The following NXPE4 variants were observed in gnomAD, a reference collection of about 807,000 sequenced individuals.
The protein encoded by NXPE4 is NXPE family member 4.
A neutral mutation model predicts 33.3 loss-of-function variants in NXPE4; 42 were observed. That is an observed-to-expected ratio of 1.26 (90% CI 0.98 to 1.63). The LOEUF is 1.63. Ranked by LOEUF, NXPE4 falls within the 40% of genes most tolerant of loss-of-function variation. The probability of loss-of-function intolerance (pLI) is 0.00; values close to 1 mark genes in which losing one functional copy is unlikely to be tolerated. For missense variants in NXPE4, 709 were observed against 647.6 expected (o/e 1.09, Z -1.03); for synonymous variants, 253 against 234.9 (o/e 1.08, Z -0.71).
the NXPE4 span, among the ~76,000 whole-genome samples, chr11:114,635,072 G>T: frequency 6.6e-6 from 1 of 151,742 alleles, no homozygotes; most frequent in Non-Finnish European, 1.5e-5. Flanking sequence ...CCATTTTCAC[G>T]ATATTGATTC....
At chr11:114,661,151 A>G in the NXPE4 span, among the ~76,000 whole-genome samples, 1 of 152,192 alleles carries the variant, frequency 6.6e-6, no homozygotes, top group Non-Finnish European at 1.5e-5. Flanking sequence ...GGGCAGGTTC[A>G]ATATGATTAG....
chr11:114,642,506 G>A, the NXPE4 span, among the ~76,000 whole-genome samples: 1 of 151,656 alleles, frequency 6.6e-6, no homozygotes, highest in Non-Finnish European at 1.5e-5. Context: ...TCCCACTTAT[G>A]AGTGACAACA....
chr11:114,617,365 G>T, the NXPE4 span, among the ~76,000 whole-genome samples: 1 of 152,032 alleles, frequency 6.6e-6, no homozygotes, highest in African/African-American at 2.4e-5. Flanking sequence ...TTACGTCATT[G>T]GTAACCACTG....
chr11:114,591,874 T>C (rs1238998952), intron 2 of NXPE4, among the ~76,000 whole-genome samples: 1 of 152,204 alleles, frequency 6.6e-6, no homozygotes, highest in Non-Finnish European at 1.5e-5. Context: ...GGGTATATTA[T>C]GTCCCTAATT....
chr11:114,580,418 A>T, intron 4 of NXPE4, 80 bp from the exon 5 acceptor site: 3 of 1,165,160 alleles, frequency 2.6e-6, no homozygotes, highest in Non-Finnish European at 3.8e-6. Flanking sequence ...TCTATCCTCT[A>T]AGTATCCTAA....
the NXPE4 span, among the ~76,000 whole-genome samples, chr11:114,672,688 A>G: frequency 6.6e-6 from 1 of 151,942 alleles, no homozygotes; most frequent in Non-Finnish European, 1.5e-5. Flanking sequence ...TAGACTTTAA[A>G]AGCCATAATG....
intron 2 of NXPE4, among the ~76,000 whole-genome samples, chr11:114,585,474 G>A (rs1949270408): frequency 6.6e-6 from 1 of 152,014 alleles, no homozygotes; most frequent in African/African-American, 2.4e-5. Flanking sequence ...GAGAGCAGGA[G>A]TCACTATGCT....
At chr11:114,676,333 A>G in the NXPE4 span, among the ~76,000 whole-genome samples, 1 of 152,006 alleles carries the variant, frequency 6.6e-6, no homozygotes, top group African/African-American at 2.4e-5. Context: ...ACGAAATGGG[A>G]AAAAACATTT....
intron 2 of NXPE4, among the ~76,000 whole-genome samples, 174 bp downstream of exon 2, chr11:114,594,490 A>G (rs931915658): frequency 2.0e-5 from 3 of 152,202 alleles, no homozygotes; most frequent in African/African-American, 4.8e-5. Context: ...ACACACACAC[A>G]GTATTTATCC....
intron 5 of NXPE4, among the ~76,000 whole-genome samples, chr11:114,572,089 A>G (rs549359990): frequency 1.3e-5 from 2 of 152,264 alleles, no homozygotes; most frequent in South Asian, 4.1e-4. Flanking sequence ...TTCTTTGCAG[A>G]CACTCTCCAG....
At chr11:114,586,289 G>A (rs888796491) in intron 2 of NXPE4, among the ~76,000 whole-genome samples, 2 of 152,142 alleles carry the variant, frequency 1.3e-5, no homozygotes, top group African/African-American at 4.8e-5. Context: ...TTTCCTTGGA[G>A]AGAGACAATG....
the NXPE4 span, among the ~76,000 whole-genome samples, chr11:114,675,226 A>G: frequency 2.0e-5 from 3 of 151,870 alleles, no homozygotes; most frequent in African/African-American, 7.2e-5. Flanking sequence ...GTGAAAATCT[A>G]AAGGCTTTTC....
At chr11:114,577,233 A>C (rs1426497386) in intron 5 of NXPE4, among the ~76,000 whole-genome samples, 1 of 150,818 alleles carries the variant, frequency 6.6e-6, no homozygotes, top group African/African-American at 2.4e-5. Context: ...AAAGGAATGA[A>C]AGAATGGCAT....
At chr11:114,654,823 T>C in the NXPE4 span, among the ~76,000 whole-genome samples, 4 of 152,324 alleles carry the variant, frequency 2.6e-5, no homozygotes, top group African/African-American at 9.6e-5. Flanking sequence ...TATTTTCCTT[T>C]GGATATATAC....
At chr11:114,596,751 C>T (rs766437917), upstream of NXPE4, among the ~76,000 whole-genome samples, 12 of 152,084 alleles carry the variant, frequency 7.9e-5, no homozygotes, top group Non-Finnish European at 1.8e-4. Context: ...AGGACTGATG[C>T]CAGCAACCAC....
chr11:114,601,829 TA>T, the NXPE4 span, among the ~76,000 whole-genome samples: 3 of 70,554 alleles, frequency 4.3e-5, no homozygotes, highest in African/African-American at 5.6e-5. Context: ...ATATAATATA[TA>T]ATTATATATA....
the NXPE4 span, among the ~76,000 whole-genome samples, chr11:114,647,988 C>A: frequency 6.6e-6 from 1 of 152,196 alleles, no homozygotes; most frequent in Admixed American, 6.5e-5. Context: ...GCATGAGCCA[C>A]TGTTGCCGGC....
chr11:114,648,495 TAGTC>T, the NXPE4 span, among the ~76,000 whole-genome samples: 1 of 152,240 alleles, frequency 6.6e-6, no homozygotes, highest in Admixed American at 6.5e-5. Context: ...CAATTTGCTT[TAGTC>T]AGTCTACTAA....
At chr11:114,654,811 T>C in the NXPE4 span, among the ~76,000 whole-genome samples, 1 of 152,216 alleles carries the variant, frequency 6.6e-6, no homozygotes, top group Non-Finnish European at 1.5e-5. Context: ...AGTAGAATGA[T>C]TTATTTTCCT....
Sources: allele counts gnomAD v4.1 joint callset (sites outside exome capture counted in the v4.1 genomes callset), GRCh38; gene constraint gnomAD v4.1.1; transcripts MANE v1.5; gene names NCBI Gene and HGNC (gene_info 2026-07-23, HGNC 2026-07-21).